Variants in ZNF536 observed in about 807,000 individuals in gnomAD.
ZNF536 encodes the protein zinc finger protein 536.
In ZNF536, 13 loss-of-function variants were observed where a neutral mutation model predicts 84.5. The observed-to-expected ratio is 0.15, with a 90% confidence interval of 0.10 to 0.24. ZNF536 has a LOEUF of 0.24. Ranked by LOEUF, ZNF536 falls within the 10% of genes least tolerant of loss-of-function variation. ZNF536 has a pLI of 1.00. For missense variants in ZNF536, 1,536 were observed against 1,747.5 expected, an observed-to-expected ratio of 0.88 and a Z score of 2.16; for synonymous variants, 811 against 742.5, an observed-to-expected ratio of 1.09 and a Z score of -1.50.
intron 1 of ZNF536, among the ~76,000 whole-genome samples, chr19:30,391,057 TGTGATCAGAGCCA>T (rs2049567750): frequency 6.6e-6 from 1 of 152,226 alleles, no homozygotes; most frequent in Non-Finnish European, 1.5e-5. Context: ...GAAATTCTCC[TGTGATCAGAGCCA>T]GAGGCAGAGT....
intron 2 of ZNF536, among the ~76,000 whole-genome samples, chr19:30,284,960 T>A (rs951132720): frequency 6.6e-6 from 1 of 152,246 alleles, no homozygotes; most frequent in African/African-American, 2.4e-5. Context: ...TTTATTTTGA[T>A]TTTTACACAA....
chr19:30,699,039 T>C (rs1488707987), intron 1 of ZNF536, among the ~76,000 whole-genome samples: 1 of 152,258 alleles, frequency 6.6e-6, no homozygotes, highest in Non-Finnish European at 1.5e-5. Context: ...GGTTCTACCT[T>C]TGGGTATGGG....
At chr19:30,297,574 T>A (rs991056319) in intron 2 of ZNF536, among the ~76,000 whole-genome samples, 1 of 152,184 alleles carries the variant, frequency 6.6e-6, no homozygotes, top group African/African-American at 2.4e-5. Context: ...AGAACTCTAT[T>A]TTTTCCTCAG....
chr19:30,440,502 A>G (rs1243703893), intron 1 of ZNF536, among the ~76,000 whole-genome samples: 1 of 152,132 alleles, frequency 6.6e-6, no homozygotes, highest in East Asian at 1.9e-4. Flanking sequence ...GACACACTGA[A>G]CCTAAGATAA....
intron 1 of ZNF536, among the ~76,000 whole-genome samples, chr19:30,675,423 T>C (rs1007400465): frequency 6.6e-6 from 1 of 152,202 alleles, no homozygotes; most frequent in East Asian, 1.9e-4. Flanking sequence ...GGTGAAAGAC[T>C]GAAAGACTCT....
chr19:30,511,488 G>A (rs185073755), intron 2 of ZNF536, among the ~76,000 whole-genome samples: 119 of 152,178 alleles, frequency 7.8e-4, no homozygotes, highest in Admixed American at 1.3e-3. Flanking sequence ...GGGTCTGTCT[G>A]GGGTGCTAGT....
chr19:30,248,845 T>G (rs1357570369), intron 1 of ZNF536, among the ~76,000 whole-genome samples: 1 of 152,138 alleles, frequency 6.6e-6, no homozygotes, highest in Admixed American at 6.5e-5. Flanking sequence ...GTCTACTCCT[T>G]CCTTTTGTCT....
chr19:30,546,376 T>TC (rs1168044009), intron 3 of ZNF536, among the ~76,000 whole-genome samples: 4 of 152,190 alleles, frequency 2.6e-5, no homozygotes, highest in African/African-American at 9.7e-5. Context: ...TGGGTTCCCT[T>TC]CCTAGACCTA....
In ZNF536 at chr19:30,548,557, G is replaced by T; in HGVS notation, c.2938G>T (p.Val980Leu). 6.2e-7 allele frequency: 1 copy of T among 1,614,106 alleles called. No homozygotes were observed. The highest frequency in any genetic ancestry group is 8.5e-7 in the Non-Finnish European group (1 of 1,180,044). Residue 980 changes from valine to leucine, a missense_variant, in exon 4 of 5, where the codon GTG (valine) becomes TTG (leucine). By Grantham distance (32) the Val-to-Leu change is conservative. Coordinates refer to ENST00000355537, the MANE Select transcript of ZNF536 (RefSeq NM_014717.3). ...KSQYEPLDLSVRPDAASLPGS... is the reference protein window; with the variant it reads ...KSQYEPLDLSLRPDAASLPGS... ...TCAGTATGAACCCCTGGACTTGTCT[G>T]TGCGGCCAGATGCCGCCTCCCTCCC...
rs537339425 is a variant in ZNF536 at position 30,398,466 on chromosome 19, C to T, written c.-3+25910C>T. On this transcript the variant is annotated intron_variant, in intron 1 of 4. Coordinates refer to ENST00000355537, the MANE Select transcript of ZNF536 (RefSeq NM_014717.3). The stretch of plus-strand genomic sequence containing the variant: ...CAGTTTTGTTACATAGGTATACACA[C>T]GCCATGGTGGTTTGCTGCACCCATC... Among the ~76,000 whole-genome samples the T allele has an allele frequency of 9.2e-5, 14 of 151,638 alleles. No individual in the cohort carries two copies. In the South Asian group the frequency reaches 2.1e-3, roughly 23 times the overall value.
chr19:30,636,351 C>T (rs1336870233), intron 1 of ZNF536, among the ~76,000 whole-genome samples: 4 of 152,216 alleles, frequency 2.6e-5, no homozygotes, highest in South Asian at 4.2e-4. Flanking sequence ...GATTGGGGAC[C>T]GGATGCGTGT....
chr19:30,413,325 A>G (rs1222788122), intron 1 of ZNF536, among the ~76,000 whole-genome samples: 1 of 152,060 alleles, frequency 6.6e-6, no homozygotes, highest in Non-Finnish European at 1.5e-5. Context: ...TTTGTTTTCA[A>G]TTCTTTTCAC....
chr19:30,421,430 C>T (rs1600664391), intron 1 of ZNF536, among the ~76,000 whole-genome samples: 4 of 152,232 alleles, frequency 2.6e-5, no homozygotes, highest in Admixed American at 2.6e-4. Context: ...CTCTGTCACT[C>T]AGGCTGGAGT....
At chr19:30,312,373 C>CT (rs2146109542) in intron 2 of ZNF536, among the ~76,000 whole-genome samples, 1 of 152,246 alleles carries the variant, frequency 6.6e-6, no homozygotes, top group South Asian at 2.1e-4. Flanking sequence ...AATGGTGGTC[C>CT]TGCCTCCTCC....
upstream of ZNF536, among the ~76,000 whole-genome samples, chr19:30,369,011 A>G (rs910247830): frequency 6.6e-6 from 1 of 152,154 alleles, no homozygotes; most frequent in Non-Finnish European, 1.5e-5. Context: ...TGATCCAGTA[A>G]ATTTAGCAAA....
At chr19:30,506,177 GT>G (rs1481004973) in intron 2 of ZNF536, among the ~76,000 whole-genome samples, 2 of 151,968 alleles carry the variant, frequency 1.3e-5, no homozygotes, top group Non-Finnish European at 2.9e-5. Context: ...ATTTCATGAT[GT>G]ATTTTCCTTG....
intron 1 of ZNF536, among the ~76,000 whole-genome samples, chr19:30,671,249 G>T (rs924786180): frequency 3.3e-5 from 5 of 152,370 alleles, no homozygotes; most frequent in Admixed American, 6.5e-5. Context: ...ATTGGGGAAG[G>T]GGTCATGTGT....
At chr19:30,435,356 C>T (rs1600717223) in intron 1 of ZNF536, among the ~76,000 whole-genome samples, 1 of 142,966 alleles carries the variant, frequency 7.0e-6, no homozygotes, top group South Asian at 2.3e-4. Context: ...GATGCTGATG[C>T]TGGTGATGGT....
intron 1 of ZNF536, among the ~76,000 whole-genome samples, chr19:30,707,156 C>G (rs1261528619): frequency 6.6e-6 from 1 of 152,116 alleles, no homozygotes; most frequent in Non-Finnish European, 1.5e-5. Flanking sequence ...CTCTAAGATG[C>G]TTGGCCAGGA....
Sources: allele counts gnomAD v4.1 joint callset (sites outside exome capture counted in the v4.1 genomes callset), GRCh38; gene constraint gnomAD v4.1.1; transcripts MANE v1.5; gene names NCBI Gene and HGNC (gene_info 2026-07-23, HGNC 2026-07-21).